PID1: variants seen among roughly 807,000 people sequenced by gnomAD.
PID1 encodes the protein PTB-containing, cubilin and LRP1-interacting protein.
PID1 carries 10 observed loss-of-function variants against 19.1 expected under a neutral mutation model. That is an observed-to-expected ratio of 0.52 (90% CI 0.32 to 0.89). The LOEUF is 0.89. PID1 is among the 40% of genes least tolerant of loss of function. The pLI, the probability that PID1 is intolerant of heterozygous loss-of-function variation, is 0.03. For synonymous variants in PID1, 130 were observed against 116.0 expected (o/e 1.12, Z -0.78); for missense variants, 248 against 285.3 (o/e 0.87, Z 0.94).
At chr2:229,167,768 A>G (rs1476041926) in intron 1 of PID1, among the ~76,000 whole-genome samples, 2 of 152,206 alleles carry the variant, frequency 1.3e-5, no homozygotes, top group African/African-American at 4.8e-5. Flanking sequence ...ACAAAATTTA[A>G]TCATTTGGGG....
chr2:229,210,185 A>C (rs945331803), intron 1 of PID1, among the ~76,000 whole-genome samples: 1 of 151,280 alleles, frequency 6.6e-6, no homozygotes, highest in African/African-American at 2.4e-5. Flanking sequence ...GGGAGGATCC[A>C]TTCCAAACAG....
At chr2:229,032,954 T>G (rs1693587046) in intron 2 of PID1, among the ~76,000 whole-genome samples, 1 of 152,154 alleles carries the variant, frequency 6.6e-6, no homozygotes, top group African/African-American at 2.4e-5. Flanking sequence ...GAGAGAGCAG[T>G]GTCCTCAGAA....
chr2:229,041,470 T>C (rs1282964775), intron 2 of PID1, among the ~76,000 whole-genome samples: 1 of 152,130 alleles, frequency 6.6e-6, no homozygotes, highest in East Asian at 1.9e-4. Context: ...AAAGTTCCTA[T>C]ACTAGAACAC....
chr2:229,241,256 T>C (rs11899230), intron 1 of PID1, among the ~76,000 whole-genome samples: 4,798 of 152,242 alleles, frequency 0.032, 222 homozygotes, highest in African/African-American at 0.1. Flanking sequence ...TTTTTTAGTT[T>C]ACACTGACCA....
chr2:229,254,820 T>C (rs1301854824), intron 1 of PID1, among the ~76,000 whole-genome samples: 3 of 152,218 alleles, frequency 2.0e-5, no homozygotes, highest in South Asian at 2.1e-4. Flanking sequence ...AGGGGTCTAA[T>C]GTATATTTGT....
At chr2:229,120,082 T>G (rs1222297408) in intron 2 of PID1, among the ~76,000 whole-genome samples, 2 of 152,166 alleles carry the variant, frequency 1.3e-5, no homozygotes, top group Non-Finnish European at 2.9e-5. Context: ...GCCTCCATAA[T>G]CATGTGAGCC....
chr2:229,267,527 T>A (rs550717186), intron 1 of PID1, among the ~76,000 whole-genome samples: 38 of 152,278 alleles, frequency 2.5e-4, no homozygotes, highest in African/African-American at 9.1e-4. Flanking sequence ...TTCCACTCTA[T>A]CCTAGTAATA....
chr2:229,136,663 G>A (rs1689863418), intron 2 of PID1, among the ~76,000 whole-genome samples: 2 of 152,090 alleles, frequency 1.3e-5, no homozygotes, highest in South Asian at 4.2e-4. Context: ...TTAAGGAACG[G>A]CACTTTCTCT....
chr2:229,104,786 C>A lies in PID1; in HGVS notation c.177+51032G>T, dbSNP rs191046677. On this transcript the variant is annotated intron_variant, in intron 2 of 2. Transcript: ENST00000392055. ...CTATGAAATAGGTGCAATATTAGTG[C>A]CTGACTTATAAGGATGGAATGAAAA... is the stretch of plus-strand genomic sequence containing the variant. Among the ~76,000 whole-genome samples the A allele has an allele frequency of 5.8e-3, 877 of 152,262 alleles. 8 individuals are homozygous for A. Among genetic ancestry groups the A allele is most frequent in the South Asian group, 0.011 (53 of 4,808 alleles).
At chr2:229,030,981 G>C (rs1424087975) in intron 2 of PID1, among the ~76,000 whole-genome samples, 1 of 151,994 alleles carries the variant, frequency 6.6e-6, no homozygotes, top group African/African-American at 2.4e-5. Flanking sequence ...ACTTTGGGAG[G>C]CCAAGGTGGG....
At chr2:229,187,636 T>C (rs1574705410) in intron 1 of PID1, among the ~76,000 whole-genome samples, 1 of 152,202 alleles carries the variant, frequency 6.6e-6, no homozygotes, top group South Asian at 2.1e-4. Flanking sequence ...GAGATTTGGA[T>C]GGGGACACGG....
At chr2:229,139,118 A>AGCG (rs1689951128) in intron 2 of PID1, among the ~76,000 whole-genome samples, 1 of 116,808 alleles carries the variant, frequency 8.6e-6, no homozygotes, top group African/African-American at 3.4e-5. Flanking sequence ...AAAGAAAGAG[A>AGCG]AAGAAAGAAA....
chr2:229,049,365 T>C (rs904015467), intron 2 of PID1, among the ~76,000 whole-genome samples: 3 of 152,218 alleles, frequency 2.0e-5, no homozygotes, highest in Non-Finnish European at 4.4e-5. Flanking sequence ...GGGTGGTTTA[T>C]CTTCTTTCTA....
intron 1 of PID1, among the ~76,000 whole-genome samples, chr2:229,219,766 C>G (rs534071782): frequency 6.6e-6 from 1 of 152,204 alleles, no homozygotes; most frequent in South Asian, 2.1e-4. Flanking sequence ...AATGATCCTC[C>G]CACCTGGACC....
chr2:229,117,259 C>T (rs956712504), intron 2 of PID1, among the ~76,000 whole-genome samples: 2 of 152,162 alleles, frequency 1.3e-5, no homozygotes, highest in Non-Finnish European at 2.9e-5. Context: ...CTAATGATCT[C>T]ATCATCAGTA....
At chr2:229,071,273 A>AC (rs1378707126) in intron 2 of PID1, among the ~76,000 whole-genome samples, 1 of 152,230 alleles carries the variant, frequency 6.6e-6, no homozygotes, top group African/African-American at 2.4e-5. Flanking sequence ...AGTCCATGGT[A>AC]TCACCTCATA....
At chr2:229,089,325 G>A (rs1574619676) in intron 2 of PID1, among the ~76,000 whole-genome samples, 2 of 152,260 alleles carry the variant, frequency 1.3e-5, no homozygotes, top group Non-Finnish European at 2.9e-5. Flanking sequence ...ATGGACTTTG[G>A]TATATTCTGT....
In PID1 at chr2:229,079,368, T is replaced by A. The variant is rs146631379; in HGVS notation, c.178-53260A>T. 2.7e-3 allele frequency among the ~76,000 whole-genome samples: 413 copies of A among 152,370 alleles called. 1 individual carries two copies. The highest frequency in any genetic ancestry group is 9.6e-3 in the African/African-American group (399 of 41,592). Reference sequence around the variant, plus strand: ...TCAAAGATTTGAAGACACTTTTATTTTTTAATTTAAAAATAACATATCTAT... The same window carrying A: ...TCAAAGATTTGAAGACACTTTTATTATTTAATTTAAAAATAACATATCTAT... On this transcript the variant is annotated intron_variant, in intron 2 of 2. Coordinates refer to ENST00000392055, the MANE Select transcript of PID1 (RefSeq NM_001100818.2).
At chr2:229,084,257 T>C (rs1311089259) in intron 2 of PID1, among the ~76,000 whole-genome samples, 1 of 152,192 alleles carries the variant, frequency 6.6e-6, no homozygotes, top group African/African-American at 2.4e-5. Flanking sequence ...ACAAGTCTTC[T>C]TGCTATTGGC....
Sources: allele counts gnomAD v4.1 joint callset (sites outside exome capture counted in the v4.1 genomes callset), GRCh38; gene constraint gnomAD v4.1.1; transcripts MANE v1.5; gene names NCBI Gene and HGNC (gene_info 2026-07-23, HGNC 2026-07-21).